The following TBC1D25 variants were observed in gnomAD, a reference collection of about 807,000 sequenced individuals.
The protein encoded by TBC1D25 is TBC1 domain family member 25, also known as 5SN3 snoRNA.
A neutral mutation model predicts 38.8 loss-of-function variants in TBC1D25; 13 were observed. The observed-to-expected ratio is 0.34, with a 90% CI of 0.22 to 0.53. The LOEUF (loss-of-function observed/expected upper bound fraction) is 0.53. Among genes scored for constraint, TBC1D25 ranks in the 20% least tolerant of loss-of-function variants. The probability of loss-of-function intolerance (pLI) is 0.94; values close to 1 mark genes in which losing one functional copy is unlikely to be tolerated. For synonymous variants in TBC1D25, 225 were observed against 255.6 expected, an observed-to-expected ratio of 0.88 and a Z score of 1.14; for missense variants, 372 against 600.0, an observed-to-expected ratio of 0.62 and a Z score of 3.97.
Position 48,560,892 on chromosome X carries a change from C to G in TBC1D25, c.1984C>G (p.Arg662Gly). The change falls in exon 6 of 6, where the codon CGG (arginine) becomes GGG (glycine). Residue 662 changes from arginine (R) to glycine (G), a missense_variant. Arg to Gly is a moderately radical substitution (Grantham distance 125). This residue lies in a region of TBC1D25 where 312 missense variants were observed against 549.3 expected (regional missense o/e 0.57). Transcript: ENST00000376771. ...RKHHLGRVLR[R>G]ARALFADYLQ... ...ACACCACCTGGGGCGCGTCCTGCGC[C>G]GGGCTAGGGCTCTCTTTGCTGATTA... is the stretch of plus-strand genomic sequence containing the variant. 8.3e-7 allele frequency: 1 copy of G among 1,211,877 alleles called. No homozygotes were observed. Among genetic ancestry groups the G allele is most frequent in the Non-Finnish European group, 1.1e-6 (1 of 895,588 alleles).
At chrX:48,542,140 A>G (rs1340831948) in intron 2 of TBC1D25, among the ~76,000 whole-genome samples, 1 of 102,055 alleles carries the variant, frequency 9.8e-6, no homozygotes, top group African/African-American at 3.6e-5. Flanking sequence ...CTGGGACTAC[A>G]GGCATGCACC....
chrX:48,544,001 A>G (rs2061863336), intron 2 of TBC1D25, among the ~76,000 whole-genome samples: 1 of 111,843 alleles, frequency 8.9e-6, no homozygotes, highest in African/African-American at 3.2e-5. Context: ...CTGATAGCTG[A>G]AAAGTGGTGT....
chrX:48,559,881 C>T lies in TBC1D25; in HGVS notation c.973C>T (p.His325Tyr). ...CCTGCTCACCACCTATGCCGTTACC[C>T]ACCCACAGGTGTCCTACTGCCAGGG... ...HDLLTTYAVTHPQVSYCQGMS... is the reference protein window; with the variant it reads ...HDLLTTYAVTYPQVSYCQGMS... The change falls in exon 6 of 6, where the codon CAC becomes TAC. Residue 325 changes from histidine (H) to tyrosine (Y), a missense_variant. Coordinates refer to ENST00000376771, the MANE Select transcript of TBC1D25 (RefSeq NM_002536.4). 1.7e-6 allele frequency: 2 copies of T among 1,211,934 alleles called. No individual in the cohort carries two copies. Among genetic ancestry groups the T allele is most frequent in the South Asian group, 1.8e-5 (1 of 57,013 alleles).
intron 3 of TBC1D25, among the ~76,000 whole-genome samples, chrX:48,545,255 A>G (rs1556981334): frequency 8.9e-6 from 1 of 112,086 alleles, no homozygotes; most frequent in Non-Finnish European, 1.9e-5. Flanking sequence ...AATTCATATA[A>G]AATGCCTGGA....
intron 3 of TBC1D25, among the ~76,000 whole-genome samples, chrX:48,552,059 CCAGATATA>C (rs1160862616): frequency 8.9e-6 from 1 of 111,785 alleles, no homozygotes; most frequent in Non-Finnish European, 1.9e-5. Flanking sequence ...TTTGTGTTTA[CCAGATATA>C]CCTTTAGGAT....
At position 48,559,693 on chromosome X, in the gene TBC1D25, G is replaced by T. The variant is rs782509383; in HGVS notation, c.785G>T (p.Ser262Ile). ...RERMDYMKRK[S>I]REYEQLKSEW... ...CGGATGGACTACATGAAACGCAAGA[G>T]CCGCGAGTATGAGCAGCTCAAGAGC... is the stretch of plus-strand genomic sequence containing the variant. The change falls in exon 6 of 6, where the codon AGC becomes ATC. Residue 262 changes from serine to isoleucine, a missense_variant. Ser to Ile is a moderately radical substitution (Grantham distance 142, BLOSUM62 -2). Transcript: ENST00000376771. The T allele has an allele frequency of 8.3e-7, 1 of 1,212,028 alleles. No homozygotes were observed. The highest frequency in any genetic ancestry group is 1.1e-6 in the Non-Finnish European group (1 of 895,567).
At position 48,541,457 on chromosome X, in the gene TBC1D25, G is replaced by A; in HGVS notation, c.233+15G>A. The A allele has an allele frequency of 8.3e-7, 1 of 1,201,288 alleles. No individual in the cohort carries two copies. Among genetic ancestry groups the A allele is most frequent in the Non-Finnish European group, 1.1e-6 (1 of 886,691 alleles). On this transcript the variant is annotated intron_variant, in intron 2 of 5. Transcript: ENST00000376771. ...GATTTGAGTGGGTGAGTGGGAAGAT[G>A]CTGGGGACTGGCCAGTGGGCCACCG...
At chrX:48,543,701 G>T (rs1471491349) in intron 2 of TBC1D25, among the ~76,000 whole-genome samples, 1 of 106,387 alleles carries the variant, frequency 9.4e-6, no homozygotes, top group Admixed American at 1.0e-4. Flanking sequence ...TGGCTAACAC[G>T]GTGAAACTCC....
At chrX:48,548,316 G>A (rs1461683781) in intron 3 of TBC1D25, among the ~76,000 whole-genome samples, 6 of 109,657 alleles carry the variant, frequency 5.5e-5, no homozygotes, top group African/African-American at 1.7e-4. Context: ...GGGTTTCGCC[G>A]TGTTGCCCAG....
chrX:48,542,490 C>CTT lies in TBC1D25; in HGVS notation c.233+1061_233+1062dup, dbSNP rs781913912. On this transcript the variant is annotated intron_variant, in intron 2 of 5. Coordinates refer to ENST00000376771, the MANE Select transcript of TBC1D25 (RefSeq NM_002536.4). ...GTCCCAGATAGTTTTTTGATCTTCT[C>CTT]TTTTTTTTTTTTTTGGAGACAGAGT... Among the ~76,000 whole-genome samples the CTT allele has an allele frequency of 5.4e-5, 5 of 92,179 alleles. No individual in the cohort carries two copies. In the South Asian group the frequency reaches 2.0e-3, roughly 37 times the overall value. The allele number at this position is 92,179 out of a possible 115,157, so 80.0% of individuals were successfully genotyped here. A position where few individuals can be genotyped will look rare whatever the true frequency, so the allele number is the denominator to read the frequency against.
intron 3 of TBC1D25, among the ~76,000 whole-genome samples, chrX:48,547,573 C>T (rs183249276): frequency 5.4e-5 from 6 of 111,964 alleles, no homozygotes; most frequent in Admixed American, 2.9e-4. Context: ...AGAACTGGGA[C>T]GAATGCCAGT....
chrX:48,560,411 C>T lies in TBC1D25; in HGVS notation c.1503C>T (p.Leu501=). Residue 501 remains leucine, a synonymous_variant, in exon 6 of 6, where the codon CTC becomes CTT. Transcript: ENST00000376771. ...AGGGGCCTGGTGGTGGGGGGCGTCTCCTGAGACAGGCCAGCTTGGATGGCC... is the reference window on the plus strand; with the variant it reads ...AGGGGCCTGGTGGTGGGGGGCGTCTTCTGAGACAGGCCAGCTTGGATGGCC... ...ASQGPGGGGR[L]LRQASLDGLQ... 8.3e-7 allele frequency: 1 copy of T among 1,211,461 alleles called. No individual in the cohort carries two copies. Among genetic ancestry groups the T allele is most frequent in the South Asian group, 1.8e-5 (1 of 56,944 alleles).
chrX:48,560,369 C>G lies in TBC1D25; in HGVS notation c.1461C>G (p.His487Gln), dbSNP rs2062013803. The part of the protein sequence containing the change: ...GGSTFEDAVD[H>Q]LATASQGPGG... ...GTACCTTTGAAGATGCTGTTGACCACCTGGCCACAGCCAGTCAGGGGCCTG... is the reference window on the plus strand; with the variant it reads ...GTACCTTTGAAGATGCTGTTGACCAGCTGGCCACAGCCAGTCAGGGGCCTG... The change falls in exon 6 of 6, where the codon CAC (histidine) becomes CAG (glutamine). Residue 487 changes from histidine (H) to glutamine (Q), a missense_variant. This residue lies in a region of TBC1D25 where 312 missense variants were observed against 549.3 expected (regional missense o/e 0.57). Transcript: ENST00000376771. 1 of 1,209,677 alleles carries G rather than the reference C, an allele frequency of 8.3e-7. No individual in the cohort carries two copies. Among genetic ancestry groups the G allele is most frequent in the Non-Finnish European group, 1.1e-6 (1 of 895,145 alleles).
chrX:48,541,392 C>T lies in TBC1D25; in HGVS notation c.183C>T (p.Thr61=). The T allele has an allele frequency of 8.3e-7, 1 of 1,212,060 alleles. No homozygotes were observed. The highest frequency in any genetic ancestry group is 1.1e-6 in the Non-Finnish European group (1 of 895,625). ...FRSFAVDPQI[T]SLDVLQHILI... is the part of the protein sequence containing the mutation. The stretch of plus-strand genomic sequence containing the variant: ...CTTTTGCTGTAGATCCCCAGATCAC[C>T]TCGCTCGACGTGTTGCAGCACATCC... Residue 61 remains threonine, a synonymous_variant, in exon 2 of 6, where the codon ACC becomes ACT. Transcript: ENST00000376771.
At chrX:48,552,352 A>G (rs1281625676) in intron 3 of TBC1D25, among the ~76,000 whole-genome samples, 1 of 89,286 alleles carries the variant, frequency 1.1e-5, no homozygotes, top group Non-Finnish European at 2.1e-5. Context: ...ATGCCCGGCT[A>G]ATTTTTTTTT....
At position 48,560,060 on chromosome X, in the gene TBC1D25, G is replaced by A. The variant is rs147525234; in HGVS notation, c.1152G>A (p.Leu384=). 5 of 1,209,628 alleles carry A rather than the reference G, an allele frequency of 4.1e-6. No homozygotes were observed. Among genetic ancestry groups the A allele is most frequent in the Middle Eastern group, 2.3e-4 (1 of 4,349 alleles). The change falls in exon 6 of 6, where the codon CTG becomes CTA. Residue 384 remains leucine (L), a synonymous_variant. Coordinates refer to ENST00000376771, the MANE Select transcript of TBC1D25 (RefSeq NM_002536.4). ...ATKFAHLKLL[L]RHADPDFYQY... Reference sequence around the variant, plus strand: ...AGTTTGCACACTTGAAGCTGTTGCTGCGACACGCTGACCCTGACTTTTATC... The same window carrying A: ...AGTTTGCACACTTGAAGCTGTTGCTACGACACGCTGACCCTGACTTTTATC...
intron 2 of TBC1D25, among the ~76,000 whole-genome samples, chrX:48,544,319 CTTTT>C (rs35103047): frequency 1.1e-5 from 1 of 94,979 alleles, no homozygotes; most frequent in South Asian, 4.8e-4. Context: ...AGGGGACCAA[CTTTT>C]TTTTTTTTTT....
At chrX:48,545,061 C>T (rs1556981292) in intron 3 of TBC1D25, 38 bp downstream of exon 3, 1 of 1,199,447 alleles carries the variant, frequency 8.3e-7, no homozygotes, top group Non-Finnish European at 1.1e-6. Flanking sequence ...TGCTCTGGAA[C>T]CCCTTTACCC....
chrX:48,548,830 G>A (rs1556982523), intron 3 of TBC1D25, among the ~76,000 whole-genome samples: 8 of 111,907 alleles, frequency 7.1e-5, no homozygotes. Flanking sequence ...TTAACATAAG[G>A]TATTCTACAC....
Sources: allele counts gnomAD v4.1 joint callset (sites outside exome capture counted in the v4.1 genomes callset), GRCh38; gene constraint gnomAD v4.1.1; regional missense constraint gnomAD v4.1.1; transcripts MANE v1.5; gene names NCBI Gene and HGNC (gene_info 2026-07-23, HGNC 2026-07-21).